The following AP3M1 variants were observed in gnomAD, a reference collection of about 807,000 sequenced individuals.
AP3M1 encodes AP-3 complex subunit mu-1.
A neutral mutation model predicts 42.6 loss-of-function variants in AP3M1; 29 were observed. That is an observed-to-expected ratio of 0.68 (90% CI 0.51 to 0.93). The LOEUF is 0.93. AP3M1 is among the 40% of genes least tolerant of loss of function. The pLI, the probability that AP3M1 is intolerant of heterozygous loss-of-function variation, is 0.00. For missense variants in AP3M1, 416 were observed against 510.2 expected (o/e 0.82, Z 1.78); for synonymous variants, 178 against 175.3 (o/e 1.02, Z -0.12).
chr10:74,129,315 A>T (rs1347267158), intron 5 of AP3M1, 74 bp from the exon 6 acceptor site: 3 of 1,490,780 alleles, frequency 2.0e-6, no homozygotes, highest in Admixed American at 2.1e-5. Flanking sequence ...ACCTTGACAA[A>T]TATGTTCCCT....
At chr10:74,130,827 T>G (rs757059564) in intron 4 of AP3M1, among the ~76,000 whole-genome samples, 9 of 152,110 alleles carry the variant, frequency 5.9e-5, no homozygotes, top group African/African-American at 2.2e-4. Flanking sequence ...TTTAAAACAT[T>G]TGGCAGGACG....
At chr10:74,130,021 A>C in intron 4 of AP3M1, 29 bp from the exon 5 acceptor site, 1 of 1,396,736 alleles carries the variant, frequency 7.2e-7, no homozygotes, top group Non-Finnish European at 1.0e-6. Context: ...AAGGAAGATA[A>C]CATCAATGGA....
intron 1 of AP3M1, among the ~76,000 whole-genome samples, chr10:74,147,458 G>A (rs1841366050): frequency 6.6e-6 from 1 of 151,982 alleles, no homozygotes. Context: ...ACTGTAAATT[G>A]ACAAATTATA....
chr10:74,123,207 C>T lies in AP3M1; in HGVS notation c.*603G>A, dbSNP rs1218582938. On this transcript the variant is annotated 3_prime_UTR_variant, in exon 9 of 9. Coordinates refer to ENST00000355264, the MANE Select transcript of AP3M1 (RefSeq NM_012095.6). ...AATCTTATTTATAAAAAATACAATA[C>T]CAAGTACAGTGAGAATGGAGCATGG... 6.6e-6 allele frequency: 1 copy of T among 152,648 alleles called. No homozygotes were observed. Among genetic ancestry groups the T allele is most frequent in the Admixed American group, 6.5e-5 (1 of 15,270 alleles). The allele number at this position is 152,648 out of a possible 1,614,324, so 9.5% of individuals were successfully genotyped here. A position where few individuals can be genotyped will look rare whatever the true frequency, so the allele number is the denominator to read the frequency against.
chr10:74,143,878 T>C (rs1014672175), intron 1 of AP3M1, among the ~76,000 whole-genome samples: 28 of 152,248 alleles, frequency 1.8e-4, no homozygotes, highest in Non-Finnish European at 1.3e-4. Flanking sequence ...TCTGTGCTAA[T>C]ATGGTAGCCA....
chr10:74,120,496 T>C lies in AP3M1; in HGVS notation c.*3314A>G, dbSNP rs10824075. ...ACTGTTCCCCGAAAAGCTAAAGTTG[T>C]TAAGTTTGTAGGAGTACCACAGGTC... On this transcript the variant is annotated 3_prime_UTR_variant, in exon 9 of 9. Coordinates refer to ENST00000355264, the MANE Select transcript of AP3M1 (RefSeq NM_012095.6). The C allele has an allele frequency of 0.17, 25,110 of 152,168 alleles. 2,371 individuals carry two copies. Among genetic ancestry groups the C allele is most frequent in the African/African-American group, 0.26 (10,711 of 41,480 alleles). 9.4% of individuals were successfully genotyped at this position (152,168 alleles called of 1,614,324 possible).
chr10:74,136,961 C>T (rs531524563), intron 2 of AP3M1, among the ~76,000 whole-genome samples, 158 bp from the exon 3 acceptor site: 5 of 152,292 alleles, frequency 3.3e-5, no homozygotes, highest in Admixed American at 1.3e-4. Context: ...CTCTATAGTC[C>T]GGGCATGGTG....
chr10:74,126,021 G>T, intron 7 of AP3M1, 127 bp downstream of exon 7: 2 of 922,704 alleles, frequency 2.2e-6, no homozygotes, highest in Non-Finnish European at 1.7e-6. Flanking sequence ...AGCACAGTAT[G>T]CTCTCTAGGT....
chr10:74,144,464 T>G (rs1841268043), intron 1 of AP3M1, among the ~76,000 whole-genome samples: 1 of 152,078 alleles, frequency 6.6e-6, no homozygotes, highest in Admixed American at 6.6e-5. Context: ...AGACAAAGTC[T>G]GCCTATATTG....
chr10:74,123,856 C>G lies in AP3M1; in HGVS notation c.1211G>C (p.Gly404Ala). 6.2e-7 allele frequency: 1 copy of G among 1,614,126 alleles called. No individual in the cohort carries two copies. The change falls in exon 9 of 9, where the codon GGA becomes GCA. Residue 404 changes from glycine (G) to alanine (A), a missense_variant. Coordinates refer to ENST00000355264, the MANE Select transcript of AP3M1 (RefSeq NM_012095.6). Reference sequence around the variant, plus strand: ...TCCAGCTTTCGTGACGTATTTGACTCCTTTAAATGGCTTATATTTCTCCCC... The same window carrying G: ...TCCAGCTTTCGTGACGTATTTGACTGCTTTAAATGGCTTATATTTCTCCCC... ...MYGEKYKPFK[G>A]VKYVTKAGKF...
At chr10:74,139,462 AAAC>A (rs1169916906) in intron 1 of AP3M1, among the ~76,000 whole-genome samples, 7 of 151,644 alleles carry the variant, frequency 4.6e-5, no homozygotes, top group South Asian at 2.1e-4. Context: ...AAAAAAAAAA[AAAC>A]AAAACAAAAC....
Position 74,138,390 on chromosome 10 carries a change from GGC to G in AP3M1, c.-3-10_-3-9del. ...TAGACTGTGGATCATTTTCTGTTGGGGCAAAGAAAGGTTTAAATTTATTATAC... is the reference window on the plus strand; with the variant it reads ...TAGACTGTGGATCATTTTCTGTTGGGAAAGAAAGGTTTAAATTTATTATAC... On this transcript the variant is annotated splice_polypyrimidine_tract_variant and intron_variant, in intron 1 of 8. Transcript: ENST00000355264. 1 of 1,601,894 alleles carries G rather than the reference GGC, an allele frequency of 6.2e-7. No individual in the cohort carries two copies. The highest frequency in any genetic ancestry group is 8.5e-7 in the Non-Finnish European group (1 of 1,173,702).
chr10:74,137,122 C>T (rs921866447), intron 2 of AP3M1, among the ~76,000 whole-genome samples: 1 of 152,122 alleles, frequency 6.6e-6, no homozygotes, highest in African/African-American at 2.4e-5. Flanking sequence ...CACCTGTGGT[C>T]CCAGCTACTT....
chr10:74,125,807 A>G (rs1033788779), intron 7 of AP3M1, among the ~76,000 whole-genome samples: 7 of 152,268 alleles, frequency 4.6e-5, no homozygotes, highest in Non-Finnish European at 1.0e-4. Context: ...TTCATAGACC[A>G]TCATAATATC....
At position 74,138,000 on chromosome 10, in the gene AP3M1, G is replaced by C. The variant is rs1840998165; in HGVS notation, c.273+107C>G. ...TTATGAATTTACGCTTAAACAGAGAGAGACAGACAGTAAACATCAAAACCT... is the reference window on the plus strand; with the variant it reads ...TTATGAATTTACGCTTAAACAGAGACAGACAGACAGTAAACATCAAAACCT... On this transcript the variant is annotated intron_variant, in intron 2 of 8. Coordinates refer to ENST00000355264, the MANE Select transcript of AP3M1 (RefSeq NM_012095.6). 1.1e-5 allele frequency: 13 copies of C among 1,181,544 alleles called. No individual in the cohort carries two copies. In the East Asian group the frequency reaches 2.8e-4, roughly 25 times the overall value. The allele number at this position is 1,181,544 out of a possible 1,614,324, so 73.2% of individuals were successfully genotyped here.
chr10:74,147,015 G>C (rs1841349984), intron 1 of AP3M1, among the ~76,000 whole-genome samples: 1 of 152,174 alleles, frequency 6.6e-6, no homozygotes, highest in Non-Finnish European at 1.5e-5. Context: ...TGGGCGTGGT[G>C]CTCACACCTA....
chr10:74,138,353 G>A lies in AP3M1; in HGVS notation c.27C>T (p.Asn9=). Residue 9 remains asparagine, a synonymous_variant, in exon 2 of 9, where the codon AAC becomes AAT. Coordinates refer to ENST00000355264, the MANE Select transcript of AP3M1 (RefSeq NM_012095.6). The part of the protein sequence containing the change: MIHSLFLI[N]CSGDIFLEKH... ...TCTCTAGAAATATGTCACCGGAACA[G>A]TTTATGAGAAATAGACTGTGGATCA... is the stretch of plus-strand genomic sequence containing the variant. The A allele has an allele frequency of 1.2e-6, 2 of 1,614,018 alleles. No individual in the cohort carries two copies. The highest frequency in any genetic ancestry group is 3.3e-4 in the Middle Eastern group (2 of 6,062).
intron 6 of AP3M1, 111 bp downstream of exon 6, chr10:74,128,997 G>T: frequency 7.5e-7 from 1 of 1,337,108 alleles, no homozygotes; most frequent in Non-Finnish European, 1.0e-6. Flanking sequence ...GTGAGCTATG[G>T]TTAAAGTGAG....
chr10:74,126,258 T>C lies in AP3M1; in HGVS notation c.901A>G (p.Met301Val), dbSNP rs1840611002. ...GTAATTCCTTCAATAGTTTTCCCCATATTCTGCTTTGGTCCAATTGTTATA... is the reference window on the plus strand; with the variant it reads ...GTAATTCCTTCAATAGTTTTCCCCACATTCTGCTTTGGTCCAATTGTTATA... ...FDITIGPKQN[M>V]GKTIEGITVT... The change falls in exon 7 of 9, where the codon ATG becomes GTG. Residue 301 changes from methionine (M) to valine (V), a missense_variant. Coordinates refer to ENST00000355264, the MANE Select transcript of AP3M1 (RefSeq NM_012095.6). The C allele has an allele frequency of 1.2e-6, 2 of 1,614,090 alleles. No homozygotes were observed. The highest frequency in any genetic ancestry group is 1.7e-6 in the Non-Finnish European group (2 of 1,180,040).
Sources: allele counts gnomAD v4.1 joint callset (sites outside exome capture counted in the v4.1 genomes callset), GRCh38; gene constraint gnomAD v4.1.1; transcripts MANE v1.5; gene names NCBI Gene and HGNC (gene_info 2026-07-23, HGNC 2026-07-21).